The following AOPEP variants were observed in gnomAD, a reference collection of about 807,000 sequenced individuals.
AOPEP encodes the protein aminopeptidase O (putative), also known as aminopeptidase O.
A neutral mutation model predicts 98.1 loss-of-function variants in AOPEP; 77 were observed. The observed-to-expected ratio is 0.78, with a 90% CI of 0.65 to 0.95. AOPEP has a LOEUF of 0.95. Among genes scored for constraint, AOPEP ranks in the 40% least tolerant of loss-of-function variants. The pLI is 0.00. For synonymous variants in AOPEP, 346 were observed against 365.3 expected (o/e 0.95, Z 0.60); for missense variants, 1,024 against 1,024.7 (o/e 1.00, Z 0.01).
the AOPEP span, among the ~76,000 whole-genome samples, chr9:95,124,817 C>T: frequency 6.6e-6 from 1 of 152,296 alleles, no homozygotes; most frequent in African/African-American, 2.4e-5. Context: ...CAAGAAGAGC[C>T]GTCCTCCAGG....
chr9:94,949,019 C>A (rs1339893829), intron 7 of AOPEP, among the ~76,000 whole-genome samples: 1 of 152,230 alleles, frequency 6.6e-6, no homozygotes, highest in Admixed American at 6.5e-5. Context: ...CTGAAAACCA[C>A]CCTTAGCAGA....
At position 95,086,758 on chromosome 9, in the gene AOPEP, A is replaced by C; in HGVS notation, c.*81A>C. The C allele has an allele frequency of 1.0e-6, 1 of 988,002 alleles. No homozygotes were observed. The highest frequency in any genetic ancestry group is 1.2e-6 in the Non-Finnish European group (1 of 830,154). The allele number at this position is 988,002 out of a possible 1,614,324, so 61.2% of individuals were successfully genotyped here. A position where few individuals can be genotyped will look rare whatever the true frequency, so the allele number is the denominator to read the frequency against. ...AGGCTCGAACTGACCCTGGACATCA[A>C]AGGAGGGATTATGTGGCTGCTAAAG... On this transcript the variant is annotated 3_prime_UTR_variant, in exon 17 of 17. Transcript: ENST00000375315.
chr9:94,754,474 T>C (rs1836545017), intron 1 of AOPEP, among the ~76,000 whole-genome samples: 1 of 152,134 alleles, frequency 6.6e-6, no homozygotes, highest in African/African-American at 2.4e-5. Flanking sequence ...AGTAAAAAGA[T>C]GAGGCATAAA....
intron 1 of AOPEP, among the ~76,000 whole-genome samples, chr9:94,744,218 C>G (rs1009227311): frequency 6.6e-6 from 1 of 151,742 alleles, no homozygotes; most frequent in African/African-American, 2.4e-5. Context: ...CAATGAAACT[C>G]CATCTCTACT....
chr9:94,983,920 T>G (rs1181839720), intron 11 of AOPEP, among the ~76,000 whole-genome samples: 1 of 150,174 alleles, frequency 6.7e-6, no homozygotes, highest in Non-Finnish European at 1.5e-5. Context: ...GTGGTGCTTA[T>G]CTCTTTTGGG....
At chr9:94,938,978 G>A (rs570528186) in intron 7 of AOPEP, among the ~76,000 whole-genome samples, 9 of 152,232 alleles carry the variant, frequency 5.9e-5, no homozygotes, top group East Asian at 5.8e-4. Context: ...GGCCGGGCGC[G>A]GTGGCTCACA....
downstream of AOPEP, among the ~76,000 whole-genome samples, chr9:95,088,577 C>T (rs1414780212): frequency 6.6e-6 from 1 of 152,076 alleles, no homozygotes; most frequent in African/African-American, 2.4e-5. Context: ...CAGGAAGGAC[C>T]GTGGGAGTAC....
intron 5 of AOPEP, among the ~76,000 whole-genome samples, chr9:94,802,154 T>C (rs1264981534): frequency 6.6e-6 from 1 of 152,136 alleles, no homozygotes; most frequent in Non-Finnish European, 1.5e-5. Flanking sequence ...TGTCTATATA[T>C]AGAATTTTTC....
intron 5 of AOPEP, among the ~76,000 whole-genome samples, chr9:94,804,217 A>C (rs1848762672): frequency 6.6e-6 from 1 of 152,212 alleles, no homozygotes; most frequent in South Asian, 2.1e-4. Flanking sequence ...CAGGCATATG[A>C]CAGTTGCTTA....
At chr9:95,040,262 C>T (rs185721082) in intron 13 of AOPEP, among the ~76,000 whole-genome samples, 1 of 152,360 alleles carries the variant, frequency 6.6e-6, no homozygotes, top group Non-Finnish European at 1.5e-5. Flanking sequence ...GCTTTCCCAT[C>T]CTCTGTAAAA....
chr9:94,885,918 A>G (rs1229329510), intron 5 of AOPEP, among the ~76,000 whole-genome samples: 1 of 152,234 alleles, frequency 6.6e-6, no homozygotes, highest in Non-Finnish European at 1.5e-5. Context: ...TGAAAAGGAT[A>G]TAATTGTATG....
At chr9:94,808,245 G>T (rs1849680483) in intron 5 of AOPEP, among the ~76,000 whole-genome samples, 1 of 152,118 alleles carries the variant, frequency 6.6e-6, no homozygotes, top group Non-Finnish European at 1.5e-5. Context: ...TCACCATGTT[G>T]CCCAGGCTGG....
At chr9:94,946,890 G>A (rs1323932600) in intron 7 of AOPEP, among the ~76,000 whole-genome samples, 1 of 151,450 alleles carries the variant, frequency 6.6e-6, no homozygotes, top group Non-Finnish European at 1.5e-5. Context: ...TGCACCCCTG[G>A]ATCTGGATCA....
At chr9:94,893,377 C>G (rs1278616198) in intron 5 of AOPEP, among the ~76,000 whole-genome samples, 1 of 151,780 alleles carries the variant, frequency 6.6e-6, no homozygotes, top group African/African-American at 2.4e-5. Flanking sequence ...AGTGAGGGCA[C>G]GGGAGGAGTG....
At chr9:94,875,942 A>G (rs192746938) in intron 5 of AOPEP, among the ~76,000 whole-genome samples, 13 of 152,344 alleles carry the variant, frequency 8.5e-5, no homozygotes, top group Admixed American at 7.8e-4. Flanking sequence ...CATACAAAAC[A>G]TTTAAGACGT....
intron 14 of AOPEP, among the ~76,000 whole-genome samples, chr9:95,073,473 G>C (rs966682888): frequency 6.6e-6 from 1 of 152,050 alleles, no homozygotes; most frequent in African/African-American, 2.4e-5. Flanking sequence ...GAAGAGGCCG[G>C]CGCGGTGGCT....
intron 5 of AOPEP, among the ~76,000 whole-genome samples, chr9:94,808,328 C>A (rs1403126763): frequency 6.6e-6 from 1 of 152,248 alleles, no homozygotes; most frequent in Non-Finnish European, 1.5e-5. Flanking sequence ...GCGTGAGCCA[C>A]CGTGCCCAGC....
chr9:94,745,437 G>C (rs538556199), intron 1 of AOPEP, among the ~76,000 whole-genome samples: 213 of 152,080 alleles, frequency 1.4e-3, no homozygotes, highest in African/African-American at 4.9e-3. Context: ...CACCATGCCC[G>C]GCTAATTTTT....
chr9:95,014,273 C>G (rs2062801434), intron 13 of AOPEP, among the ~76,000 whole-genome samples: 1 of 151,884 alleles, frequency 6.6e-6, no homozygotes. Context: ...TCAAGACTAG[C>G]CTGGGCAACA....
Sources: gnomAD v4.1 joint callset for allele counts (sites outside exome capture counted in the v4.1 genomes callset) on GRCh38, gnomAD v4.1.1 for gene constraint, MANE v1.5 for transcripts, NCBI Gene and HGNC (gene_info 2026-07-23, HGNC 2026-07-21) for gene names.